Variants in PPARGC1A observed in about 807,000 individuals in gnomAD.
The protein encoded by PPARGC1A is PPARG coactivator 1 alpha, also known as peroxisome proliferator-activated receptor gamma coactivator 1-alpha.
A neutral mutation model predicts 88.7 loss-of-function variants in PPARGC1A; 25 were observed. That is an observed-to-expected ratio of 0.28 (90% CI 0.21 to 0.39). PPARGC1A has a LOEUF of 0.39. Ranked by LOEUF, PPARGC1A falls within the 10% of genes least tolerant of loss-of-function variation. The pLI, the probability that PPARGC1A is intolerant of heterozygous loss-of-function variation, is 1.00. For missense variants in PPARGC1A, 880 were observed against 968.7 expected, an observed-to-expected ratio of 0.91 and a Z score of 1.22; for synonymous variants, 363 against 355.6, an observed-to-expected ratio of 1.02 and a Z score of -0.24.
the PPARGC1A span, among the ~76,000 whole-genome samples, chr4:24,128,544 G>GTGTGTC: frequency 7.1e-6 from 1 of 140,484 alleles, no homozygotes; most frequent in African/African-American, 2.9e-5. Context: ...GTGTGTGTGT[G>GTGTGTC]TGTGTGTGTG....
At chr4:24,033,846 T>C in the PPARGC1A span, among the ~76,000 whole-genome samples, 1 of 152,120 alleles carries the variant, frequency 6.6e-6, no homozygotes, top group Non-Finnish European at 1.5e-5. Context: ...GTGGAGCCGG[T>C]TGATGGAATG....
the PPARGC1A span, among the ~76,000 whole-genome samples, chr4:24,320,094 C>T: frequency 8.6e-4 from 131 of 152,118 alleles, no homozygotes; most frequent in Non-Finnish European, 1.7e-3. Flanking sequence ...TAAAAGAATA[C>T]TAGAGAGATT....
At chr4:24,233,150 C>A in the PPARGC1A span, among the ~76,000 whole-genome samples, 4 of 152,162 alleles carry the variant, frequency 2.6e-5, no homozygotes, top group Admixed American at 6.5e-5. Context: ...TAAGAACAAC[C>A]GTCAGAAGTC....
At chr4:24,275,428 C>T in the PPARGC1A span, among the ~76,000 whole-genome samples, 1 of 152,060 alleles carries the variant, frequency 6.6e-6, no homozygotes, top group African/African-American at 2.4e-5. Flanking sequence ...ATTTAATATC[C>T]TATTTATTTA....
chr4:24,053,593 A>G, the PPARGC1A span, among the ~76,000 whole-genome samples: 14 of 152,204 alleles, frequency 9.2e-5, no homozygotes, highest in African/African-American at 3.4e-4. Flanking sequence ...CCATCTATCC[A>G]AAAACTATAT....
chr4:24,343,875 C>A, the PPARGC1A span, among the ~76,000 whole-genome samples: 2 of 151,852 alleles, frequency 1.3e-5, no homozygotes, highest in Non-Finnish European at 2.9e-5. Context: ...TATTTGTAGT[C>A]TTTTATCCCT....
the PPARGC1A span, among the ~76,000 whole-genome samples, chr4:24,457,042 C>A: frequency 6.6e-6 from 1 of 152,052 alleles, no homozygotes; most frequent in African/African-American, 2.4e-5. Flanking sequence ...AACAGGGATA[C>A]AATAAGACAG....
chr4:24,186,091 TG>T, the PPARGC1A span, among the ~76,000 whole-genome samples: 1 of 152,154 alleles, frequency 6.6e-6, no homozygotes, highest in East Asian at 1.9e-4. Flanking sequence ...ATATCTCTGC[TG>T]AACATGCCAA....
chr4:24,000,717 G>A, the PPARGC1A span, among the ~76,000 whole-genome samples: 2 of 152,114 alleles, frequency 1.3e-5, no homozygotes, highest in African/African-American at 2.4e-5. Flanking sequence ...GTGCATCCAC[G>A]ATTTGATGAT....
the PPARGC1A span, among the ~76,000 whole-genome samples, chr4:24,238,899 A>G: frequency 6.6e-6 from 1 of 151,838 alleles, no homozygotes; most frequent in Non-Finnish European, 1.5e-5. Context: ...CCGATTCCCT[A>G]TATTTTCCTG....
the PPARGC1A span, among the ~76,000 whole-genome samples, chr4:23,942,457 T>G: frequency 6.6e-6 from 1 of 152,186 alleles, no homozygotes. Context: ...CTAACCTACC[T>G]AGACATACTA....
At chr4:24,127,954 T>C in the PPARGC1A span, among the ~76,000 whole-genome samples, 43 of 152,336 alleles carry the variant, frequency 2.8e-4, no homozygotes, top group African/African-American at 9.6e-4. Context: ...ATTTTTTCTA[T>C]GCCTGTAATA....
the PPARGC1A span, among the ~76,000 whole-genome samples, chr4:24,109,487 C>G: frequency 6.6e-6 from 1 of 152,122 alleles, no homozygotes; most frequent in East Asian, 1.9e-4. Flanking sequence ...TCCTAGGAGG[C>G]ACTGGATAAA....
At chr4:24,210,559 C>T in the PPARGC1A span, among the ~76,000 whole-genome samples, 1 of 152,140 alleles carries the variant, frequency 6.6e-6, no homozygotes, top group South Asian at 2.1e-4. Context: ...AATTGATTCA[C>T]AGTCTGTGAA....
At chr4:24,156,297 C>T in the PPARGC1A span, among the ~76,000 whole-genome samples, 1 of 152,202 alleles carries the variant, frequency 6.6e-6, no homozygotes, top group South Asian at 2.1e-4. Flanking sequence ...CCGGGTGTTT[C>T]TCCCAGTTGA....
the PPARGC1A span, among the ~76,000 whole-genome samples, chr4:24,124,015 G>T: frequency 1.3e-5 from 2 of 152,108 alleles, no homozygotes; most frequent in South Asian, 4.2e-4. Context: ...GACGGGGAGA[G>T]ATGAGAGGCA....
Position 23,840,723 on chromosome 4 carries a change from T to A in PPARGC1A, c.235-8972A>T, listed in dbSNP as rs184512963. Among the ~76,000 whole-genome samples, 36 of 152,230 alleles carry A rather than the reference T, an allele frequency of 2.4e-4. 1 individual carries two copies. Among genetic ancestry groups the A allele is most frequent in the South Asian group, 4.1e-4 (2 of 4,828 alleles). ...ATAGGAGAGGCTTAACTAAAATGAG[T>A]TAGAATGGTAACTAAAGAGTCTAAT... On this transcript the variant is annotated intron_variant, in intron 2 of 12. Transcript: ENST00000264867.
At chr4:24,425,719 A>T in the PPARGC1A span, among the ~76,000 whole-genome samples, 452 of 152,320 alleles carry the variant, frequency 3.0e-3, no homozygotes, top group Non-Finnish European at 5.3e-3. Flanking sequence ...AGGTTTCATT[A>T]TTAAGACCTT....
the PPARGC1A span, among the ~76,000 whole-genome samples, chr4:24,386,289 T>C: frequency 6.6e-6 from 1 of 152,194 alleles, no homozygotes; most frequent in East Asian, 1.9e-4. Flanking sequence ...AATATCATAC[T>C]GAATGGGCAA....
Sources: allele counts gnomAD v4.1 joint callset (sites outside exome capture counted in the v4.1 genomes callset), GRCh38; gene constraint gnomAD v4.1.1; transcripts MANE v1.5; gene names NCBI Gene and HGNC (gene_info 2026-07-23, HGNC 2026-07-21).